Variants in POLR2F observed in about 807,000 individuals in gnomAD.
POLR2F encodes the protein RNA polymerase II, I and III subunit F, also known as DNA-directed RNA polymerases I, II, and III subunit RPABC2.
Under a neutral mutation model 22.7 loss-of-function variants are expected in POLR2F, and 12 were observed. That is an observed-to-expected ratio of 0.53 (90% confidence interval 0.34 to 0.86). POLR2F has a LOEUF of 0.86. Ranked by LOEUF, POLR2F falls within the 40% of genes least tolerant of loss-of-function variation. The probability of loss-of-function intolerance (pLI) is 0.02; values close to 1 mark genes in which losing one functional copy is unlikely to be tolerated. For synonymous variants in POLR2F, 57 were observed against 66.0 expected (o/e 0.86, Z 0.66); for missense variants, 126 against 171.5 (o/e 0.73, Z 1.48).
intron 1 of POLR2F, among the ~76,000 whole-genome samples, chr22:37,989,105 C>G (rs961194386): frequency 6.6e-6 from 1 of 152,112 alleles, no homozygotes; most frequent in Admixed American, 6.5e-5. Flanking sequence ...TCCTCAGTCT[C>G]GGATGTAGTG....
At chr22:37,989,559 C>T (rs967291869) in intron 1 of POLR2F, among the ~76,000 whole-genome samples, 5 of 152,340 alleles carry the variant, frequency 3.3e-5, no homozygotes, top group Admixed American at 3.3e-4. Flanking sequence ...AGGCGACACT[C>T]TAGGGCCTCC....
chr22:38,010,712 G>A (rs1303316932), intron 1 of POLR2F, among the ~76,000 whole-genome samples: 2 of 147,938 alleles, frequency 1.4e-5, no homozygotes, highest in African/African-American at 2.5e-5. Flanking sequence ...CGCCTCCCAG[G>A]TTCAAGCAAT....
downstream of POLR2F, among the ~76,000 whole-genome samples, chr22:38,031,548 C>G (rs556326502): frequency 6.6e-6 from 1 of 152,146 alleles, no homozygotes; most frequent in African/African-American, 2.4e-5. The surrounding 1 kb of genome is among the most constrained non-coding windows in gnomAD (Gnocchi z 4.1). Context: ...TGGGCAGGCA[C>G]GGACTTCACA....
At chr22:37,977,706 G>A (rs1932263980) in intron 4 of POLR2F, among the ~76,000 whole-genome samples, 1 of 152,114 alleles carries the variant, frequency 6.6e-6, no homozygotes, top group Admixed American at 6.5e-5. Flanking sequence ...CCCTGGCACC[G>A]GAACCCCCAT....
chr22:38,003,475 C>G (rs1158531363), intron 1 of POLR2F, among the ~76,000 whole-genome samples: 1 of 152,112 alleles, frequency 6.6e-6, no homozygotes, highest in Non-Finnish European at 1.5e-5. Flanking sequence ...GATCCGCCCA[C>G]CTCGGCCTCC....
chr22:37,955,203 G>GTTT (rs77201045), intron 1 of POLR2F, among the ~76,000 whole-genome samples: 6 of 131,764 alleles, frequency 4.6e-5, no homozygotes, highest in Admixed American at 7.8e-5. Context: ...AGAAATAAGG[G>GTTT]TTTTTTTTTT....
intron 4 of POLR2F, 192 bp from the exon 5 acceptor site, chr22:37,967,433 A>T: frequency 7.0e-7 from 1 of 1,434,068 alleles, no homozygotes; most frequent in Non-Finnish European, 9.1e-7. Flanking sequence ...ATATTCTGTC[A>T]TTCTTCCCCC....
intron 1 of POLR2F, among the ~76,000 whole-genome samples, chr22:38,020,451 G>A (rs1019050413): frequency 1.7e-5 from 1 of 59,128 alleles, no homozygotes; most frequent in Non-Finnish European, 3.6e-5. Context: ...TTTTTTTTTT[G>A]TATTTTTAGT....
chr22:37,974,137 C>G, downstream of POLR2F: 1 of 1,611,522 alleles, frequency 6.2e-7, no homozygotes, highest in Non-Finnish European at 8.5e-7. This position sits in a 1 kb window ranked among gnomAD's most constrained non-coding sequence, Gnocchi z 5.4. Flanking sequence ...TCGGGTCTGC[C>G]TTGCCCGACT....
chr22:37,975,978 T>C (rs555230459), intron 4 of POLR2F, among the ~76,000 whole-genome samples: 1 of 152,136 alleles, frequency 6.6e-6, no homozygotes, highest in South Asian at 2.1e-4. Flanking sequence ...TGCTGGGTCA[T>C]GCCTGTAATC....
chr22:37,968,998 G>T lies in POLR2F; in HGVS notation c.*1283G>T. ...GCTGAAATTTCAGCTCTGAAATGCCGCCTTTGTGCTGGCATCCAGGCAGCC... is the reference window on the plus strand; with the variant it reads ...GCTGAAATTTCAGCTCTGAAATGCCTCCTTTGTGCTGGCATCCAGGCAGCC... On this transcript the variant is annotated 3_prime_UTR_variant, in exon 5 of 5. Coordinates refer to ENST00000442738, the MANE Select transcript of POLR2F (RefSeq NM_021974.5). 1 of 985,454 alleles carries T rather than the reference G, an allele frequency of 1.0e-6. No homozygotes were observed. The highest frequency in any genetic ancestry group is 1.2e-6 in the Non-Finnish European group (1 of 829,940). 61.0% of individuals were successfully genotyped at this position (985,454 alleles called of 1,614,324 possible).
chr22:38,036,200 C>G (rs2145835721), intron 5 of POLR2F, among the ~76,000 whole-genome samples: 1 of 151,862 alleles, frequency 6.6e-6, no homozygotes, highest in East Asian at 1.9e-4. Flanking sequence ...TGGTCTCGAG[C>G]CCCTGACCTC....
intron 1 of POLR2F, among the ~76,000 whole-genome samples, chr22:37,998,410 G>A (rs969450588): frequency 1.3e-5 from 2 of 152,232 alleles, no homozygotes; most frequent in African/African-American, 4.8e-5. Flanking sequence ...TGGCCCTGGG[G>A]AGGCTGTGGA....
chr22:38,022,551 C>CAAAAAA (rs376987789), intron 1 of POLR2F, among the ~76,000 whole-genome samples: 2 of 55,822 alleles, frequency 3.6e-5, no homozygotes, highest in African/African-American at 6.7e-5. Context: ...AACGCTGTCT[C>CAAAAAA]AAAAAAAAAA....
intron 3 of POLR2F, among the ~76,000 whole-genome samples, chr22:37,959,875 C>T (rs1037272460): frequency 2.0e-5 from 3 of 151,036 alleles, no homozygotes; most frequent in Non-Finnish European, 4.4e-5. Flanking sequence ...ACAATCTCAG[C>T]TCACTGCAAC....
chr22:37,982,066 G>A (rs995126152), upstream of POLR2F, among the ~76,000 whole-genome samples: 4 of 152,126 alleles, frequency 2.6e-5, no homozygotes, highest in Non-Finnish European at 5.9e-5. Context: ...GAAGAGAGCC[G>A]GGCTCCTCTG....
rs1434679710 is a variant in POLR2F, at chr22:37,987,380, C to T, written c.120+1068C>T. The T allele has an allele frequency of 9.1e-6, 4 of 437,472 alleles. No individual in the cohort carries two copies. In the Admixed American group the frequency reaches 9.6e-5, roughly 11 times the overall value. 27.1% of individuals were successfully genotyped at this position (437,472 alleles called of 1,614,324 possible). ...AACGTGAAGCCCACTGATGACACTG[C>T]CTGGCAGAGCTGCCTCCGGTCAGCA... On this transcript the variant is annotated intron_variant, in intron 1 of 2. Transcript: ENST00000333418.
Position 37,978,129 on chromosome 22 carries a change from C to A in POLR2F, c.293+10959C>A. ...TGAAGGGGCGCTTGTCACTTTCGTT[C>A]AGCAGCCTGGGGTGTGGTGGGAGGC... is the stretch of plus-strand genomic sequence containing the variant. On this transcript the variant is annotated intron_variant, in intron 4 of 4. Coordinates refer to the POLR2F transcript ENST00000405557. The surrounding 1 kb of genome is among the most constrained non-coding windows in gnomAD (Gnocchi z 5.0). The A allele has an allele frequency of 6.4e-7, 1 of 1,566,592 alleles. No homozygotes were observed. Among genetic ancestry groups the A allele is most frequent in the South Asian group, 1.2e-5 (1 of 86,366 alleles).
intron 5 of POLR2F, among the ~76,000 whole-genome samples, chr22:38,038,594 C>T (rs1028249581): frequency 6.6e-6 from 1 of 152,174 alleles, no homozygotes; most frequent in Non-Finnish European, 1.5e-5. Context: ...GGGGTTAAAT[C>T]TCTCCCTGTC....
Sources: allele counts gnomAD v4.1 joint callset (sites outside exome capture counted in the v4.1 genomes callset), GRCh38; gene constraint gnomAD v4.1.1; non-coding constraint Gnocchi (gnomAD v3.1); transcripts MANE v1.5; gene names NCBI Gene and HGNC (gene_info 2026-07-23, HGNC 2026-07-21).